Variants in CLOCK observed in about 807,000 individuals in gnomAD.
The protein encoded by CLOCK is clock circadian regulator.
Under a neutral mutation model 118.4 loss-of-function variants are expected in CLOCK, and 43 were observed. That is an observed-to-expected ratio of 0.36 (90% CI 0.28 to 0.47). The LOEUF is 0.47. CLOCK is among the 20% of genes least tolerant of loss of function. CLOCK has a pLI of 1.00. For synonymous variants in CLOCK, 326 were observed against 339.2 expected (o/e 0.96, Z 0.43); for missense variants, 846 against 999.9 (o/e 0.85, Z 2.08).
intron 2 of CLOCK, among the ~76,000 whole-genome samples, chr4:55,492,505 T>A (rs1017598047): frequency 6.6e-6 from 1 of 152,058 alleles, no homozygotes; most frequent in African/African-American, 2.4e-5. Context: ...AATAAAATAA[T>A]CAAAGATGCA....
chr4:55,477,863 T>C (rs1389511085), intron 6 of CLOCK, among the ~76,000 whole-genome samples: 2 of 151,920 alleles, frequency 1.3e-5, no homozygotes, highest in Non-Finnish European at 2.9e-5. Context: ...AAGTACAATA[T>C]AAGGGAAGCC....
chr4:55,546,442 C>G (rs1731638060), intron 1 of CLOCK: 1 of 151,574 alleles, frequency 6.6e-6, no homozygotes, highest in Non-Finnish European at 1.5e-5. Context: ...CGGCCCCACA[C>G]ACGCCGCCCC....
intron 21 of CLOCK, 150 bp from the exon 22 acceptor site, chr4:55,438,687 T>A (rs1317932698): frequency 4.9e-5 from 61 of 1,236,964 alleles, no homozygotes; most frequent in Non-Finnish European, 6.3e-5. Context: ...TGTTTCATTT[T>A]AAAAGATTCC....
At chr4:55,487,630 T>C (rs1727381935) in intron 3 of CLOCK, among the ~76,000 whole-genome samples, 1 of 152,134 alleles carries the variant, frequency 6.6e-6, no homozygotes. Flanking sequence ...AGGAAAAAGG[T>C]GGCTGCCTTG....
chr4:55,507,272 C>T (rs1219395175), intron 2 of CLOCK, among the ~76,000 whole-genome samples: 1 of 152,066 alleles, frequency 6.6e-6, no homozygotes, highest in East Asian at 1.9e-4. Context: ...CATGCCACTG[C>T]ACTCTGGCGT....
At chr4:55,450,068 T>G (rs201313987) in intron 16 of CLOCK, 23 bp downstream of exon 16, 2 of 1,614,040 alleles carry the variant, frequency 1.2e-6, no homozygotes, top group Non-Finnish European at 1.7e-6. Context: ...AAAGGAAGTC[T>G]GCTTTGAAGC....
chr4:55,466,308 C>T (rs923956343), intron 8 of CLOCK, among the ~76,000 whole-genome samples: 3 of 152,120 alleles, frequency 2.0e-5, no homozygotes, highest in Non-Finnish European at 4.4e-5. Context: ...GCTTCCCCTT[C>T]CGCCATGACT....
At chr4:55,486,173 A>C (rs768339309) in intron 3 of CLOCK, among the ~76,000 whole-genome samples, 1 of 152,210 alleles carries the variant, frequency 6.6e-6, no homozygotes, top group Non-Finnish European at 1.5e-5. Flanking sequence ...ATAGTATACT[A>C]TAATTACTTT....
intron 1 of CLOCK, among the ~76,000 whole-genome samples, chr4:55,542,439 C>G (rs551569101): frequency 5.4e-5 from 8 of 148,714 alleles, no homozygotes; most frequent in Non-Finnish European, 1.2e-4. Context: ...GATTTCAAAA[C>G]CACTGAAGGC....
chr4:55,535,948 G>A (rs17085889), intron 1 of CLOCK, among the ~76,000 whole-genome samples: 62,965 of 151,666 alleles, frequency 0.42, 14,667 homozygotes, highest in African/African-American at 0.63. Flanking sequence ...CCTGACCTGT[G>A]TAAAATATTG....
intron 1 of CLOCK, among the ~76,000 whole-genome samples, chr4:55,545,061 T>TTTTTTTG (rs1264306207): frequency 1.3e-5 from 2 of 151,814 alleles, no homozygotes; most frequent in Non-Finnish European, 2.9e-5. Context: ...ACTTTTTTTT[T>TTTTTTTG]TTTTACTTTT....
At chr4:55,494,949 G>C (rs1003997693) in intron 2 of CLOCK, among the ~76,000 whole-genome samples, 5 of 152,258 alleles carry the variant, frequency 3.3e-5, no homozygotes, top group Non-Finnish European at 7.4e-5. Context: ...ATTGTCTTAA[G>C]CCATTAAGTT....
At chr4:55,516,229 C>T (rs1047975371) in intron 1 of CLOCK, among the ~76,000 whole-genome samples, 4 of 152,190 alleles carry the variant, frequency 2.6e-5, no homozygotes, top group Non-Finnish European at 5.9e-5. Flanking sequence ...TTTGACAGCA[C>T]TGTTGAATTC....
At chr4:55,536,697 T>C (rs1032805585) in intron 1 of CLOCK, among the ~76,000 whole-genome samples, 1 of 152,194 alleles carries the variant, frequency 6.6e-6, no homozygotes, top group African/African-American at 2.4e-5. Context: ...GTCTCACGTA[T>C]TCTTTTATAG....
intron 9 of CLOCK, among the ~76,000 whole-genome samples, chr4:55,459,529 T>C (rs928027077): frequency 3.3e-5 from 5 of 152,216 alleles, no homozygotes; most frequent in Non-Finnish European, 7.3e-5. Flanking sequence ...TTTACTCACT[T>C]TCAAAGGAAA....
In CLOCK at chr4:55,430,098, A is replaced by G. The variant is rs1225451743; in HGVS notation, c.*5317T>C. The stretch of plus-strand genomic sequence containing the variant: ...TAAATAAATACATTTAGCCATTTTT[A>G]TTCAAGAACCCCAGAGAACTGCTTT... On this transcript the variant is annotated 3_prime_UTR_variant, in exon 23 of 23. Coordinates refer to ENST00000513440, the MANE Select transcript of CLOCK (RefSeq NM_004898.4). 2 of 152,228 alleles carry G rather than the reference A, an allele frequency of 1.3e-5. No individual in the cohort carries two copies. The highest frequency in any genetic ancestry group is 2.4e-5 in the African/African-American group (1 of 41,464). The allele number at this position is 152,228 out of a possible 1,614,324, so 9.4% of individuals were successfully genotyped here.
At chr4:55,541,238 A>C (rs2110118342) in intron 1 of CLOCK, among the ~76,000 whole-genome samples, 1 of 152,366 alleles carries the variant, frequency 6.6e-6, no homozygotes, top group South Asian at 2.1e-4. Context: ...ATGGTTGTAA[A>C]GCAACCTGTA....
At chr4:55,437,497 G>A (rs1722978599) in intron 22 of CLOCK, among the ~76,000 whole-genome samples, 2 of 152,168 alleles carry the variant, frequency 1.3e-5, no homozygotes, top group African/African-American at 2.4e-5. Context: ...GATAAGGAGA[G>A]CCTGTCTGAT....
chr4:55,484,595 G>C (rs1321323268), intron 3 of CLOCK, among the ~76,000 whole-genome samples: 1 of 152,106 alleles, frequency 6.6e-6, no homozygotes, highest in South Asian at 2.1e-4. Flanking sequence ...TCTATCACTA[G>C]AAGAGGAAGA....
Sources: gnomAD v4.1 joint callset for allele counts (sites outside exome capture counted in the v4.1 genomes callset) on GRCh38, gnomAD v4.1.1 for gene constraint, MANE v1.5 for transcripts, NCBI Gene and HGNC (gene_info 2026-07-23, HGNC 2026-07-21) for gene names.